The following ADGRD1 variants were observed in gnomAD, a reference collection of about 807,000 sequenced individuals.
ADGRD1 encodes the protein G-protein coupled receptor 133.
In ADGRD1, 77 loss-of-function variants were observed where a neutral mutation model predicts 113.4. The observed-to-expected ratio is 0.68, with a 90% CI of 0.57 to 0.82. The LOEUF (loss-of-function observed/expected upper bound fraction) is 0.82. Among genes scored for constraint, ADGRD1 ranks in the 40% least tolerant of loss-of-function variants. ADGRD1 has a pLI of 0.00. For synonymous variants in ADGRD1, 474 were observed against 475.0 expected (o/e 1.00, Z 0.03); for missense variants, 1,036 against 1,139.1 (o/e 0.91, Z 1.30).
intron 21 of ADGRD1, among the ~76,000 whole-genome samples, chr12:131,132,488 A>G (rs1950960185): frequency 6.6e-6 from 1 of 152,090 alleles, no homozygotes; most frequent in Admixed American, 6.6e-5. Context: ...TCCGGAGCTC[A>G]GAAGCCCTGG....
chr12:131,055,751 ACT>A (rs1385690456), intron 13 of ADGRD1, among the ~76,000 whole-genome samples: 1 of 152,136 alleles, frequency 6.6e-6, no homozygotes, highest in East Asian at 1.9e-4. Context: ...ACGAGCACAG[ACT>A]CTGGGGACAG....
intron 13 of ADGRD1, among the ~76,000 whole-genome samples, chr12:131,014,842 C>T (rs1311093583): frequency 1.3e-5 from 2 of 152,148 alleles, no homozygotes; most frequent in Non-Finnish European, 2.9e-5. Context: ...TTTGTTTTTG[C>T]CAGTGAGTAG....
intron 19 of ADGRD1, among the ~76,000 whole-genome samples, chr12:131,119,285 ACGTTGGTGCAGGTT>A (rs2137406860): frequency 6.6e-6 from 1 of 152,350 alleles, no homozygotes; most frequent in African/African-American, 2.4e-5. Flanking sequence ...AGCCTTTTCC[ACGTTGGTGCAGGTT>A]CCCTGAAGGC....
chr12:131,036,695 TGCACCGGGCCTCACTCACC>T (rs1444424375), intron 13 of ADGRD1, among the ~76,000 whole-genome samples: 5 of 124,774 alleles, frequency 4.0e-5, no homozygotes, highest in Admixed American at 8.5e-5. Flanking sequence ...CCTCACTCAC[TGCACCGGGCCTCACTCACC>T]GCACCGGGCC....
At chr12:131,000,150 G>A (rs1007177687) in intron 8 of ADGRD1, among the ~76,000 whole-genome samples, 5 of 152,172 alleles carry the variant, frequency 3.3e-5, no homozygotes, top group African/African-American at 4.8e-5. Flanking sequence ...CTGACGTTCC[G>A]GTGCTGGTCA....
chr12:131,090,901 G>C (rs1271809183), intron 15 of ADGRD1, among the ~76,000 whole-genome samples: 1 of 152,184 alleles, frequency 6.6e-6, no homozygotes. Context: ...CCAATTTATT[G>C]CTCCTCCAGC....
At chr12:131,139,019 G>A (rs1951180036) in intron 24 of ADGRD1, 149 bp from the exon 25 acceptor site, 2 of 618,160 alleles carry the variant, frequency 3.2e-6, no homozygotes, top group Non-Finnish European at 5.8e-6. Context: ...TCTCCCCCAG[G>A]AGCATGGGGG....
In ADGRD1 at chr12:130,984,673, C is replaced by T. The variant is rs1455627979; in HGVS notation, c.491-2422C>T. 2.0e-5 allele frequency among the ~76,000 whole-genome samples: 3 copies of T among 152,090 alleles called. No homozygotes were observed. The highest frequency in any genetic ancestry group is 4.4e-5 in the Non-Finnish European group (3 of 68,014). On this transcript the variant is annotated intron_variant, in intron 5 of 24. Coordinates refer to ENST00000261654, the MANE Select transcript of ADGRD1 (RefSeq NM_198827.5). This position sits in a 1 kb window ranked among gnomAD's most constrained non-coding sequence, Gnocchi z 4.1. Reference sequence around the variant, plus strand: ...AGTCCATAGTTCACATTAGCATTTGCTCTCGGTGTTGTACATTCTATGGGT... The same window carrying T: ...AGTCCATAGTTCACATTAGCATTTGTTCTCGGTGTTGTACATTCTATGGGT...
At chr12:131,092,783 C>CCAGT (rs1266505392) in intron 15 of ADGRD1, among the ~76,000 whole-genome samples, 3 of 152,170 alleles carry the variant, frequency 2.0e-5, no homozygotes, top group Non-Finnish European at 1.5e-5. Context: ...CTGACTCTGG[C>CCAGT]CAGTGACTGG....
At chr12:131,104,750 A>G in intron 15 of ADGRD1, 81 bp from the exon 16 acceptor site, 1 of 898,782 alleles carries the variant, frequency 1.1e-6, no homozygotes, top group South Asian at 1.5e-5. Flanking sequence ...CCAGCTGTGC[A>G]CCCACCTGGG....
At chr12:131,082,165 C>T (rs1886121529) in intron 14 of ADGRD1, among the ~76,000 whole-genome samples, 1 of 152,154 alleles carries the variant, frequency 6.6e-6, no homozygotes, top group East Asian at 1.9e-4. Flanking sequence ...CTTCCTCCAC[C>T]TTTTGTTTCT....
intron 2 of ADGRD1, among the ~76,000 whole-genome samples, chr12:130,963,809 A>G (rs73164862): frequency 0.036 from 5,476 of 152,304 alleles, 123 homozygotes; most frequent in Middle Eastern, 0.071. Context: ...ATAAATTCCT[A>G]GAGGTGGAAT....
intron 15 of ADGRD1, among the ~76,000 whole-genome samples, chr12:131,090,299 C>CA (rs1488957942): frequency 6.6e-6 from 1 of 152,182 alleles, no homozygotes; most frequent in East Asian, 1.9e-4. Flanking sequence ...GCAGCATACT[C>CA]AGAGAATTAA....
rs1220656288 is a variant in ADGRD1, at chr12:131,060,408, C to A, written c.1474-16393C>A. Among the ~76,000 whole-genome samples, 1 of 152,218 alleles carries A rather than the reference C, an allele frequency of 6.6e-6. No homozygotes were observed. Among genetic ancestry groups the A allele is most frequent in the African/African-American group, 2.4e-5 (1 of 41,462 alleles). On this transcript the variant is annotated intron_variant, in intron 13 of 24. Transcript: ENST00000261654. The surrounding 1 kb of genome is among the most constrained non-coding windows in gnomAD (Gnocchi z 4.4). ...TCAAATAGCTCAGGAGGCAAATAAT[C>A]CACGCAGGCAGCGACAGCAGGGGTC...
chr12:131,049,945 C>G (rs1883212784), intron 13 of ADGRD1, among the ~76,000 whole-genome samples: 2 of 152,200 alleles, frequency 1.3e-5, no homozygotes, highest in African/African-American at 4.8e-5. Flanking sequence ...AAAACCTGGA[C>G]AAGCAGGACA....
chr12:131,103,139 A>G lies in ADGRD1; in HGVS notation c.1672-1692A>G, dbSNP rs150766829. 3.4e-3 allele frequency among the ~76,000 whole-genome samples: 523 copies of G among 152,360 alleles called. 1 individual carries two copies. Among genetic ancestry groups the G allele is most frequent in the African/African-American group, 0.012 (493 of 41,594 alleles). ...CCCTGGGAAATTGGAAGTTGTGCGC[A>G]GGTCCTTGCCTGCTGAGGCCTGAGC... On this transcript the variant is annotated intron_variant, in intron 15 of 24. Transcript: ENST00000261654.
intron 12 of ADGRD1, among the ~76,000 whole-genome samples, chr12:131,010,604 G>A (rs188927260): frequency 4.7e-4 from 72 of 152,266 alleles, no homozygotes; most frequent in Non-Finnish European, 8.7e-4. Flanking sequence ...TTTGTGTAAC[G>A]GAAGGCGGAG....
Position 130,971,409 on chromosome 12 carries a change from T to G in ADGRD1, c.188-49T>G. The G allele has an allele frequency of 6.4e-7, 1 of 1,560,732 alleles. No homozygotes were observed. The highest frequency in any genetic ancestry group is 8.8e-7 in the Non-Finnish European group (1 of 1,142,148). The stretch of plus-strand genomic sequence containing the variant: ...GGTCTGACACACATCTTCAGACTTT[T>G]AATCTCGGAAGGTTATTAACATATG... On this transcript the variant is annotated intron_variant, in intron 3 of 24. Transcript: ENST00000261654. The surrounding 1 kb of genome is among the most constrained non-coding windows in gnomAD (Gnocchi z 4.2).
chr12:131,126,969 C>G (rs370487858), intron 20 of ADGRD1, among the ~76,000 whole-genome samples: 1 of 152,088 alleles, frequency 6.6e-6, no homozygotes. Flanking sequence ...AGATTTGTGC[C>G]ACTCGCAGCC....
Sources: allele counts gnomAD v4.1 joint callset (sites outside exome capture counted in the v4.1 genomes callset), GRCh38; gene constraint gnomAD v4.1.1; non-coding constraint Gnocchi (gnomAD v3.1); transcripts MANE v1.5; gene names NCBI Gene and HGNC (gene_info 2026-07-23, HGNC 2026-07-21).